Variants in TULP4 observed in about 807,000 individuals in gnomAD.
TULP4 encodes TUB like protein 4.
A neutral mutation model predicts 129.0 loss-of-function variants in TULP4; 16 were observed. That is an observed-to-expected ratio of 0.12 (90% CI 0.08 to 0.19). The LOEUF (loss-of-function observed/expected upper bound fraction) is 0.19, where lower values mean the gene tolerates loss of function less well. TULP4 is among the 10% of genes least tolerant of loss of function. TULP4 has a pLI of 1.00. For missense variants in TULP4, 1,842 were observed against 2,059.1 expected (o/e 0.89, Z 2.04); for synonymous variants, 998 against 854.0 (o/e 1.17, Z -2.94).
chr6:158,346,423 T>G (rs1301756407), intron 1 of TULP4, among the ~76,000 whole-genome samples: 1 of 152,226 alleles, frequency 6.6e-6, no homozygotes, highest in Non-Finnish European at 1.5e-5. Flanking sequence ...GTGTTAGGAT[T>G]ACAGGCATGA....
At chr6:158,506,479 C>A in intron 13 of TULP4, 99 bp from the exon 14 acceptor site, 1 of 803,112 alleles carries the variant, frequency 1.2e-6, no homozygotes, top group Admixed American at 1.7e-5. Flanking sequence ...GATCTGCCCA[C>A]CTCGGCCTCC....
chr6:158,241,121 A>T (rs551012789), intron 1 of TULP4, among the ~76,000 whole-genome samples: 14 of 128,008 alleles, frequency 1.1e-4, no homozygotes, highest in Admixed American at 3.3e-4. Flanking sequence ...GCGGCGGGGC[A>T]GAGGCGCTCC....
chr6:158,361,991 A>G (rs1290566929), intron 1 of TULP4, among the ~76,000 whole-genome samples: 4 of 152,198 alleles, frequency 2.6e-5, no homozygotes, highest in Non-Finnish European at 4.4e-5. Flanking sequence ...AAGAATGTTC[A>G]AACTCCTCAA....
intron 6 of TULP4, among the ~76,000 whole-genome samples, chr6:158,464,470 C>G (rs1232362033): frequency 6.6e-6 from 1 of 152,178 alleles, no homozygotes; most frequent in Non-Finnish European, 1.5e-5. Flanking sequence ...AGCCAACGTT[C>G]TTGTTCCCCG....
intron 1 of TULP4, among the ~76,000 whole-genome samples, chr6:158,352,842 A>G (rs1444628068): frequency 6.6e-6 from 1 of 152,210 alleles, no homozygotes; most frequent in African/African-American, 2.4e-5. Flanking sequence ...ATCTCTAATA[A>G]TCACATTTGG....
upstream of TULP4, chr6:158,312,321 G>A: frequency 2.6e-6 from 1 of 392,004 alleles, no homozygotes; most frequent in Non-Finnish European, 4.5e-6. Flanking sequence ...CATCACTAAT[G>A]GCCAGTTTTC....
intron 1 of TULP4, among the ~76,000 whole-genome samples, chr6:158,346,404 A>T (rs950883038): frequency 3.9e-5 from 6 of 152,180 alleles, no homozygotes; most frequent in Non-Finnish European, 5.9e-5. Context: ...CCTGCAATAG[A>T]CTACCAAAGT....
rs1554293026 is a variant in TULP4 at position 158,454,026 on chromosome 6, C to CCG, written c.859+1759_859+1760insGC. 5.0e-4 allele frequency among the ~76,000 whole-genome samples: 74 copies of CCG among 148,470 alleles called. 5 individuals carry two copies. The highest frequency in any genetic ancestry group is 1.6e-3 in the African/African-American group (65 of 39,864). Reference sequence around the variant, plus strand: ...ATCATACCTGCCTCTGCACCGCCCCCCCCCAAGTAATTACTCTATTTTTAA... The same window carrying CCG: ...ATCATACCTGCCTCTGCACCGCCCCCCGCCCCAAGTAATTACTCTATTTTTAA... On this transcript the variant is annotated intron_variant, in intron 5 of 13. Transcript: ENST00000367097.
chr6:158,392,400 C>T (rs1777603584), intron 1 of TULP4, among the ~76,000 whole-genome samples: 2 of 152,150 alleles, frequency 1.3e-5, no homozygotes, highest in South Asian at 2.1e-4. Flanking sequence ...GAATATTTGC[C>T]TACCTGTAGC....
chr6:158,353,206 T>C (rs1042754219), intron 1 of TULP4, among the ~76,000 whole-genome samples: 3 of 152,226 alleles, frequency 2.0e-5, no homozygotes, highest in Non-Finnish European at 2.9e-5. Context: ...TGTGGCTCTT[T>C]CCACAGAGTT....
rs1183597619 is a variant in TULP4 at position 158,510,918 on chromosome 6, G to A, written c.*4224G>A. 6.6e-6 allele frequency: 1 copy of A among 152,246 alleles called. No homozygotes were observed. The allele number at this position is 152,246 out of a possible 1,614,324, so 9.4% of individuals were successfully genotyped here. A position where few individuals can be genotyped will look rare whatever the true frequency, so the allele number is the denominator to read the frequency against. On this transcript the variant is annotated 3_prime_UTR_variant, in exon 14 of 14. Coordinates refer to ENST00000367097, the MANE Select transcript of TULP4 (RefSeq NM_020245.5). The stretch of plus-strand genomic sequence containing the variant: ...GAGAAGGAGTCCATGGTGTCGCTGT[G>A]TGCCTGTATCATTTGGCCAAGTCAA...
intron 1 of TULP4, among the ~76,000 whole-genome samples, chr6:158,378,260 G>A (rs1777236486): frequency 6.6e-6 from 1 of 152,134 alleles, no homozygotes. Flanking sequence ...CTTGAAGGAA[G>A]GAGCTGCAAA....
intron 1 of TULP4, among the ~76,000 whole-genome samples, chr6:158,337,126 C>CTA (rs1583764634): frequency 1.7e-5 from 1 of 59,228 alleles, no homozygotes; most frequent in African/African-American, 6.5e-5. Context: ...CTCTTTCTTT[C>CTA]TCTTTTTTTT....
intron 9 of TULP4, among the ~76,000 whole-genome samples, chr6:158,490,168 C>A (rs1330072270): frequency 6.6e-6 from 1 of 152,156 alleles, no homozygotes; most frequent in Non-Finnish European, 1.5e-5. Context: ...GCGGCCGAGG[C>A]GGGTGGATCA....
intron 1 of TULP4, among the ~76,000 whole-genome samples, chr6:158,378,707 TCTC>T (rs1777257791): frequency 6.6e-6 from 1 of 151,964 alleles, no homozygotes; most frequent in African/African-American, 2.4e-5. Context: ...CTGGTCTTGA[TCTC>T]CTGACCTCAG....
At chr6:158,301,788 G>C (rs1324460441) in intron 1 of TULP4, among the ~76,000 whole-genome samples, 1 of 152,180 alleles carries the variant, frequency 6.6e-6, no homozygotes, top group East Asian at 1.9e-4. Flanking sequence ...TGAAGCCTCA[G>C]GGGTGAAAGT....
intron 6 of TULP4, among the ~76,000 whole-genome samples, chr6:158,471,763 T>TG (rs1779688064): frequency 6.6e-6 from 1 of 152,162 alleles, no homozygotes; most frequent in South Asian, 2.1e-4. Context: ...GCCAGTTCAT[T>TG]GCCTAGAACG....
chr6:158,384,289 C>CT lies in TULP4; in HGVS notation c.253-28763dup, dbSNP rs10634916. On this transcript the variant is annotated intron_variant, in intron 1 of 13. Coordinates refer to ENST00000367097, the MANE Select transcript of TULP4 (RefSeq NM_020245.5). ...GTGTAAGAACCACATGCCTGTTTAG[C>CT]TTTTTTTTTTTTTCTTGAGACAGAG... 1.7e-3 allele frequency among the ~76,000 whole-genome samples: 251 copies of CT among 144,398 alleles called. 4 individuals are homozygous for CT. Among genetic ancestry groups the CT allele is most frequent in the East Asian group, 0.011 (57 of 4,966 alleles). The allele number at this position is 144,398 out of a possible 152,430, so 94.7% of individuals were successfully genotyped here.
At position 158,387,633 on chromosome 6, in the gene TULP4, G is replaced by A. The variant is rs746527546; in HGVS notation, c.253-25432G>A. 1.8e-4 allele frequency among the ~76,000 whole-genome samples: 27 copies of A among 152,150 alleles called. 1 individual carries two copies. Among genetic ancestry groups the A allele is most frequent in the Admixed American group, 3.9e-4 (6 of 15,280 alleles). On this transcript the variant is annotated intron_variant, in intron 1 of 13. Transcript: ENST00000367097. Reference sequence around the variant, plus strand: ...ATGACACTGCCAATATTTTACTAAAGGTTCTCATGGGATTTCAGGTTGTCT... The same window carrying A: ...ATGACACTGCCAATATTTTACTAAAAGTTCTCATGGGATTTCAGGTTGTCT...
Sources: allele counts gnomAD v4.1 joint callset (sites outside exome capture counted in the v4.1 genomes callset), GRCh38; gene constraint gnomAD v4.1.1; transcripts MANE v1.5; gene names NCBI Gene and HGNC (gene_info 2026-07-23, HGNC 2026-07-21).